TMEM154: variants seen among roughly 807,000 people sequenced by gnomAD.
TMEM154 encodes transmembrane protein 154.
TMEM154 carries 27 observed loss-of-function variants against 24.5 expected under a neutral mutation model. The ratio of observed to expected loss-of-function variants is 1.10; its 90% CI spans 0.81 to 1.52. The LOEUF (loss-of-function observed/expected upper bound fraction) is 1.52, where lower values mean the gene tolerates loss of function less well. TMEM154 is among the 40% of genes most tolerant of loss of function. TMEM154 has a pLI of 0.00. For synonymous variants in TMEM154, 67 were observed against 76.8 expected (o/e 0.87, Z 0.67); for missense variants, 228 against 213.4 (o/e 1.07, Z -0.43).
At position 152,643,156 on chromosome 4, in the gene TMEM154, T is replaced by C. The variant is rs1561047604; in HGVS notation, c.410A>G (p.Asp137Gly). Reference protein sequence around the residue: ...ENVKVPIFEEDTPSVMEIEME... With the variant: ...ENVKVPIFEEGTPSVMEIEME... Reference sequence around the variant, plus strand: ...TTCAATTTCCATAACAGAGGGTGTATCTTCCTCAAAAATAGGGCTAGAAAT... The same window carrying C: ...TTCAATTTCCATAACAGAGGGTGTACCTTCCTCAAAAATAGGGCTAGAAAT... Residue 137 changes from aspartate (D) to glycine (G), a missense_variant, in exon 5 of 7, where the codon GAT (aspartate) becomes GGT (glycine). Coordinates refer to ENST00000304385, the MANE Select transcript of TMEM154 (RefSeq NM_152680.3). 4 of 1,610,520 alleles carry C rather than the reference T, an allele frequency of 2.5e-6. 1 individual carries two copies. In the South Asian group the frequency reaches 4.4e-5, roughly 18 times the overall value.
rs1256905477 is a variant in TMEM154 at position 152,625,660 on chromosome 4, G to T, written c.*2886C>A. The stretch of plus-strand genomic sequence containing the variant: ...GATCGTGACACTGCACTCTAACCTG[G>T]GTGACAGAGTGAGACTCCATCTCAA... On this transcript the variant is annotated 3_prime_UTR_variant, in exon 7 of 7. Transcript: ENST00000304385. 6.6e-6 allele frequency: 1 copy of T among 150,548 alleles called. No homozygotes were observed. Among genetic ancestry groups the T allele is most frequent in the East Asian group, 1.9e-4 (1 of 5,166 alleles). The allele number at this position is 150,548 out of a possible 1,614,324, so 9.3% of individuals were successfully genotyped here. A position where few individuals can be genotyped will look rare whatever the true frequency, so the allele number is the denominator to read the frequency against.
intron 5 of TMEM154, 157 bp from the exon 6 acceptor site, chr4:152,641,142 T>C: frequency 3.5e-6 from 2 of 574,240 alleles, no homozygotes; most frequent in Non-Finnish European, 5.9e-6. Flanking sequence ...AGATTAATGA[T>C]GTCAAGGCTC....
chr4:152,652,077 CA>C (rs756601381), intron 3 of TMEM154, among the ~76,000 whole-genome samples: 21 of 151,904 alleles, frequency 1.4e-4, no homozygotes, highest in Non-Finnish European at 2.2e-4. Context: ...TCAGGCACTC[CA>C]AAACAATTAC....
chr4:152,645,770 GA>G (rs1255413534), intron 3 of TMEM154, among the ~76,000 whole-genome samples: 1 of 152,172 alleles, frequency 6.6e-6, no homozygotes, highest in Non-Finnish European at 1.5e-5. Context: ...TGGCAAGCTT[GA>G]ATGGCATTGC....
intron 6 of TMEM154, 36 bp from the exon 7 acceptor site, chr4:152,628,597 AAAAACAC>A (rs1751966077): frequency 9.3e-6 from 11 of 1,184,248 alleles, no homozygotes; most frequent in Admixed American, 2.8e-5. Flanking sequence ...AAAAAACAAA[AAAAACAC>A]ACACACACAC....
chr4:152,652,111 G>T (rs192275162), intron 3 of TMEM154, among the ~76,000 whole-genome samples: 12 of 151,888 alleles, frequency 7.9e-5, no homozygotes, highest in Admixed American at 4.6e-4. Flanking sequence ...AAAGATAACT[G>T]ATCACAGATC....
intron 3 of TMEM154, among the ~76,000 whole-genome samples, chr4:152,650,027 C>T (rs947574770): frequency 4.6e-5 from 7 of 152,054 alleles, no homozygotes; most frequent in Admixed American, 4.6e-4. Flanking sequence ...GAGCCTTCCG[C>T]AAGTTGTAAT....
At chr4:152,652,959 A>T in intron 1 of TMEM154, 32 bp from the exon 2 acceptor site, 1 of 1,549,922 alleles carries the variant, frequency 6.5e-7, no homozygotes, top group Non-Finnish European at 8.7e-7. Context: ...TGAAATTTCC[A>T]TGGAGACAAA....
chr4:152,660,874 C>T (rs1232529245), intron 1 of TMEM154, among the ~76,000 whole-genome samples: 1 of 152,112 alleles, frequency 6.6e-6, no homozygotes, highest in Non-Finnish European at 1.5e-5. Flanking sequence ...AGAAAAGCTG[C>T]CCAGAAGGAC....
intron 4 of TMEM154, among the ~76,000 whole-genome samples, 153 bp from the exon 5 acceptor site, chr4:152,643,326 T>C (rs1242861426): frequency 6.6e-6 from 1 of 152,118 alleles, no homozygotes; most frequent in African/African-American, 2.4e-5. Context: ...TATTCCAAAC[T>C]ACCAAACTTT....
intron 6 of TMEM154, among the ~76,000 whole-genome samples, chr4:152,629,768 T>C (rs1751997149): frequency 6.6e-6 from 1 of 152,192 alleles, no homozygotes; most frequent in African/African-American, 2.4e-5. Flanking sequence ...TGAAACTCCA[T>C]GTGTTTCTAA....
At chr4:152,662,517 GA>G (rs1728631998) in intron 1 of TMEM154, among the ~76,000 whole-genome samples, 1 of 152,172 alleles carries the variant, frequency 6.6e-6, no homozygotes, top group South Asian at 2.1e-4. Flanking sequence ...GAGTTAGGAA[GA>G]AAATCAGAAG....
chr4:152,657,053 C>T (rs1728506165), intron 1 of TMEM154, among the ~76,000 whole-genome samples: 1 of 149,708 alleles, frequency 6.7e-6, no homozygotes, highest in Non-Finnish European at 1.5e-5. Context: ...AAAGCTTCAA[C>T]AATAGACTAA....
Position 152,679,881 on chromosome 4 carries a change from G to C in TMEM154, c.53C>G (p.Pro18Arg). The change falls in exon 1 of 7, where the codon CCC becomes CGC. Residue 18 changes from proline (P) to arginine (R), a missense_variant. Transcript: ENST00000304385. ...LVFALVIALV[P>R]VGRGNYEELE... is the part of the protein sequence containing the mutation. ...TGGAGGCGGCTTACCCCGGCCGACG[G>C]GAACGAGCGCGATCACCAGGGCGAA... 6.2e-7 allele frequency: 1 copy of C among 1,609,764 alleles called. No homozygotes were observed. The highest frequency in any genetic ancestry group is 8.5e-7 in the Non-Finnish European group (1 of 1,178,586).
intron 1 of TMEM154, among the ~76,000 whole-genome samples, chr4:152,656,707 A>C (rs1728498445): frequency 6.6e-6 from 1 of 152,072 alleles, no homozygotes; most frequent in African/African-American, 2.4e-5. Flanking sequence ...GGATCACCTG[A>C]GGTCGGGAGT....
intron 5 of TMEM154, among the ~76,000 whole-genome samples, chr4:152,642,886 T>C (rs1752284475): frequency 6.6e-6 from 1 of 152,196 alleles, no homozygotes; most frequent in African/African-American, 2.4e-5. Flanking sequence ...CAACAACTTG[T>C]ACAGAAATAA....
intron 6 of TMEM154, 33 bp from the exon 7 acceptor site, chr4:152,628,594 AAAAAAAAC>A: frequency 6.7e-6 from 7 of 1,042,640 alleles, no homozygotes; most frequent in Non-Finnish European, 8.5e-6. Context: ...AAAAAAAAAC[AAAAAAAAC>A]ACACACACAC....
At chr4:152,673,260 C>CT (rs368295158) in intron 1 of TMEM154, among the ~76,000 whole-genome samples, 77 of 147,704 alleles carry the variant, frequency 5.2e-4, no homozygotes, top group African/African-American at 1.2e-3. Flanking sequence ...TCCTTTTTTT[C>CT]TTTTTTTTTT....
rs991512713 is a variant in TMEM154, at chr4:152,618,639, G to A, written c.*9907C>T. The A allele has an allele frequency of 9.2e-5, 14 of 152,206 alleles. No individual in the cohort carries two copies. The highest frequency in any genetic ancestry group is 3.4e-4 in the African/African-American group (14 of 41,448). 9.4% of individuals were successfully genotyped at this position (152,206 alleles called of 1,614,324 possible). A position where few individuals can be genotyped will look rare whatever the true frequency, so the allele number is the denominator to read the frequency against. On this transcript the variant is annotated 3_prime_UTR_variant, in exon 7 of 7. Coordinates refer to ENST00000304385, the MANE Select transcript of TMEM154 (RefSeq NM_152680.3). ...GAGAAGCTCAGATCTGGGTTGGAAAGAGCTGCTTCGAGCATTTTAATGATC... is the reference window on the plus strand; with the variant it reads ...GAGAAGCTCAGATCTGGGTTGGAAAAAGCTGCTTCGAGCATTTTAATGATC...
Sources: allele counts gnomAD v4.1 joint callset (sites outside exome capture counted in the v4.1 genomes callset), GRCh38; gene constraint gnomAD v4.1.1; transcripts MANE v1.5; gene names NCBI Gene and HGNC (gene_info 2026-07-23, HGNC 2026-07-21).